ATXN10: variants seen among roughly 807,000 people sequenced by gnomAD.
ATXN10 encodes the protein ataxin-10.
ATXN10 carries 28 observed loss-of-function variants against 52.9 expected under a neutral mutation model. The observed-to-expected ratio is 0.53, with a 90% CI of 0.39 to 0.73. The LOEUF (loss-of-function observed/expected upper bound fraction) is 0.73. Ranked by LOEUF, ATXN10 falls within the 30% of genes least tolerant of loss-of-function variation. The pLI, the probability that ATXN10 is intolerant of heterozygous loss-of-function variation, is 0.00. For synonymous variants in ATXN10, 226 were observed against 221.5 expected, an observed-to-expected ratio of 1.02 and a Z score of -0.18; for missense variants, 565 against 577.0, an observed-to-expected ratio of 0.98 and a Z score of 0.21.
chr22:45,748,394 G>A (rs1468263146), intron 9 of ATXN10, among the ~76,000 whole-genome samples: 2 of 152,170 alleles, frequency 1.3e-5, no homozygotes, highest in East Asian at 3.8e-4. Flanking sequence ...TGCATTCTGT[G>A]TGTATTACTT....
chr22:45,768,590 G>A (rs1165276913), intron 9 of ATXN10, among the ~76,000 whole-genome samples: 4 of 152,216 alleles, frequency 2.6e-5, no homozygotes. Flanking sequence ...ATACAGGCAT[G>A]AGAGAGAAGG....
At chr22:45,752,295 C>G (rs1221258331) in intron 9 of ATXN10, among the ~76,000 whole-genome samples, 1 of 152,086 alleles carries the variant, frequency 6.6e-6, no homozygotes, top group Non-Finnish European at 1.5e-5. Flanking sequence ...AAGAAGGAGA[C>G]AGATGTAGAA....
In ATXN10 at chr22:45,700,287, C is replaced by A; in HGVS notation, c.397C>A (p.Arg133Ser). The A allele has an allele frequency of 6.2e-7, 1 of 1,609,490 alleles. No individual in the cohort carries two copies. The highest frequency in any genetic ancestry group is 8.5e-7 in the Non-Finnish European group (1 of 1,176,068). The change falls in exon 4 of 12, where the codon CGC (arginine) becomes AGC (serine). Residue 133 changes from arginine to serine, a missense_variant. Transcript: ENST00000252934. Reference sequence around the variant, plus strand: ...TAACTTTTATATATTCTTAGCTTTTCGCTGTGGCCTGCAGTTTTTAGGCAA... The same window carrying A: ...TAACTTTTATATATTCTTAGCTTTTAGCTGTGGCCTGCAGTTTTTAGGCAA... ...VEQESLLTAF[R>S]CGLQFLGNIA...
At chr22:45,801,622 A>G (rs1254576522) in intron 9 of ATXN10, among the ~76,000 whole-genome samples, 2 of 152,250 alleles carry the variant, frequency 1.3e-5, no homozygotes, top group Non-Finnish European at 2.9e-5. Flanking sequence ...TTAATGAGAC[A>G]GTCAAGAACA....
intron 9 of ATXN10, among the ~76,000 whole-genome samples, chr22:45,758,072 G>T (rs1926239716): frequency 6.6e-6 from 1 of 152,238 alleles, no homozygotes; most frequent in Non-Finnish European, 1.5e-5. Context: ...GCGTCAGGAA[G>T]CCCCGTGCAG....
chr22:45,757,619 A>C lies in ATXN10; in HGVS notation c.1173+17081A>C, dbSNP rs993159211. 2.6e-5 allele frequency among the ~76,000 whole-genome samples: 4 copies of C among 152,174 alleles called. No individual in the cohort carries two copies. The highest frequency in any genetic ancestry group is 2.1e-4 in the South Asian group (1 of 4,826). On this transcript the variant is annotated intron_variant, in intron 9 of 11. Coordinates refer to ENST00000252934, the MANE Select transcript of ATXN10 (RefSeq NM_013236.4). This position sits in a 1 kb window ranked among gnomAD's most constrained non-coding sequence, Gnocchi z 4.6. The stretch of plus-strand genomic sequence containing the variant: ...TTTCTAGCCATTTTAGAAAAAAAAA[A>C]ACATTAGTACAGTATTAGTAAATAT...
At chr22:45,734,869 A>ATATTATTATTATTATTATTATTAT (rs10625108) in intron 7 of ATXN10, among the ~76,000 whole-genome samples, 3 of 142,360 alleles carry the variant, frequency 2.1e-5, no homozygotes, top group Non-Finnish European at 4.5e-5. Context: ...GAAATGGGTT[A>ATATTATTATTATTATTATTATTAT]TATTATTATT....
At chr22:45,827,315 G>A (rs1174075861) in intron 10 of ATXN10, among the ~76,000 whole-genome samples, 5 of 152,192 alleles carry the variant, frequency 3.3e-5, no homozygotes, top group East Asian at 1.9e-4. Flanking sequence ...AGCCCTTATC[G>A]GTAATTATTT....
intron 3 of ATXN10, among the ~76,000 whole-genome samples, chr22:45,695,004 G>A (rs1923546212): frequency 6.7e-6 from 1 of 149,752 alleles, no homozygotes; most frequent in South Asian, 2.1e-4. Flanking sequence ...TTTCCAGGTG[G>A]ATAAGTTAGA....
chr22:45,790,619 C>T lies in ATXN10; in HGVS notation c.1174-16340C>T, dbSNP rs533576890. ...GCTACACATTTGGGAGCAATCTCCTCAGTAATTTCTTGGATCTTGCTGTCA... is the reference window on the plus strand; with the variant it reads ...GCTACACATTTGGGAGCAATCTCCTTAGTAATTTCTTGGATCTTGCTGTCA... On this transcript the variant is annotated intron_variant, in intron 9 of 11. Coordinates refer to ENST00000252934, the MANE Select transcript of ATXN10 (RefSeq NM_013236.4). This position sits in a 1 kb window ranked among gnomAD's most constrained non-coding sequence, Gnocchi z 4.7. 2.0e-4 allele frequency among the ~76,000 whole-genome samples: 31 copies of T among 152,282 alleles called. No individual in the cohort carries two copies. Among genetic ancestry groups the T allele is most frequent in the African/African-American group, 7.5e-4 (31 of 41,556 alleles).
Position 45,712,253 on chromosome 22 carries a change from A to G in ATXN10, c.648-6160A>G, listed in dbSNP as rs1365291600. Among the ~76,000 whole-genome samples, 1 of 152,188 alleles carries G rather than the reference A, an allele frequency of 6.6e-6. No homozygotes were observed. Among genetic ancestry groups the G allele is most frequent in the Non-Finnish European group, 1.5e-5 (1 of 68,034 alleles). On this transcript the variant is annotated intron_variant, in intron 5 of 11. Coordinates refer to ENST00000252934, the MANE Select transcript of ATXN10 (RefSeq NM_013236.4). This position sits in a 1 kb window ranked among gnomAD's most constrained non-coding sequence, Gnocchi z 4.6. ...CCAGGTTTGGGCTCATTCTTGAAGG[A>G]AAAAGAATTCTTGTTATCCAAGGAA...
chr22:45,836,533 G>A (rs1337809486), intron 10 of ATXN10, among the ~76,000 whole-genome samples: 1 of 152,078 alleles, frequency 6.6e-6, no homozygotes, highest in Non-Finnish European at 1.5e-5. Context: ...GGGCTCCCTG[G>A]GCAGCACTTT....
intron 9 of ATXN10, among the ~76,000 whole-genome samples, chr22:45,773,188 G>T (rs1404673436): frequency 6.6e-6 from 1 of 152,174 alleles, no homozygotes; most frequent in Non-Finnish European, 1.5e-5. Context: ...CATTGACCTT[G>T]TGTCGTATGG....
rs1022887428 is a variant in ATXN10 at position 45,681,039 on chromosome 22, A to T, written c.117-8673A>T. ...GCTTTCAGACCTTTTTCCTCCATAG[A>T]CCACTCCAACTTTTAATCTCATGAC... On this transcript the variant is annotated intron_variant, in intron 1 of 11. Coordinates refer to ENST00000252934, the MANE Select transcript of ATXN10 (RefSeq NM_013236.4). The surrounding 1 kb of genome is among the most constrained non-coding windows in gnomAD (Gnocchi z 4.2). 5.9e-5 allele frequency among the ~76,000 whole-genome samples: 9 copies of T among 152,008 alleles called. No homozygotes were observed. Among genetic ancestry groups the T allele is most frequent in the Non-Finnish European group, 1.2e-4 (8 of 68,002 alleles).
chr22:45,756,060 G>A (rs2146823274), intron 9 of ATXN10, among the ~76,000 whole-genome samples: 1 of 152,278 alleles, frequency 6.6e-6, no homozygotes, highest in South Asian at 2.1e-4. Flanking sequence ...GTCTCTGAGA[G>A]AGGTGACCAC....
rs908261182 is a variant in ATXN10 at position 45,681,070 on chromosome 22, A to G, written c.117-8642A>G. Among the ~76,000 whole-genome samples, 1 of 152,156 alleles carries G rather than the reference A, an allele frequency of 6.6e-6. No homozygotes were observed. The highest frequency in any genetic ancestry group is 2.4e-5 in the African/African-American group (1 of 41,436). On this transcript the variant is annotated intron_variant, in intron 1 of 11. Coordinates refer to ENST00000252934, the MANE Select transcript of ATXN10 (RefSeq NM_013236.4). The surrounding 1 kb of genome is among the most constrained non-coding windows in gnomAD (Gnocchi z 4.2). ...CCAACTTTTAATCTCATGACATCAG[A>G]GTATCCCTTGTTTAATCACTTTTGT...
intron 9 of ATXN10, among the ~76,000 whole-genome samples, chr22:45,758,623 T>C (rs1926262755): frequency 6.6e-6 from 1 of 152,236 alleles, no homozygotes; most frequent in Non-Finnish European, 1.5e-5. Flanking sequence ...CTTTAAGATG[T>C]TGTTTTTGGG....
intron 6 of ATXN10, 24 bp from the exon 7 acceptor site, chr22:45,729,401 G>A (rs1282401818): frequency 6.2e-7 from 1 of 1,612,074 alleles, no homozygotes; most frequent in African/African-American, 1.3e-5. Flanking sequence ...ATAGATTCAT[G>A]CAGAAATCCT....
chr22:45,755,409 G>A (rs1463335498), intron 9 of ATXN10, among the ~76,000 whole-genome samples: 1 of 152,128 alleles, frequency 6.6e-6, no homozygotes, highest in Non-Finnish European at 1.5e-5. Context: ...TGATTAGGGG[G>A]CCTCAAGAGA....
Sources: gnomAD v4.1 joint callset for allele counts (sites outside exome capture counted in the v4.1 genomes callset) on GRCh38, gnomAD v4.1.1 for gene constraint, Gnocchi (gnomAD v3.1) non-coding constraint, MANE v1.5 for transcripts, NCBI Gene and HGNC (gene_info 2026-07-23, HGNC 2026-07-21) for gene names.